The following FIRRM variants were observed in gnomAD, a reference collection of about 807,000 sequenced individuals.
FIRRM encodes the protein FIGNL1-interacting regulator of recombination and mitosis.
At chr1:169,840,482 G>A in the FIRRM span, among the ~76,000 whole-genome samples, 1 of 151,222 alleles carries the variant, frequency 6.6e-6, no homozygotes, top group Non-Finnish European at 1.5e-5. Context: ...TGTATCTACT[G>A]TAAACAGGAT....
chr1:169,825,185 T>A, the FIRRM span, among the ~76,000 whole-genome samples: 1 of 152,328 alleles, frequency 6.6e-6, no homozygotes, highest in African/African-American at 2.4e-5. Flanking sequence ...AAAAACTTTC[T>A]ATCTTTGCCT....
the FIRRM span, among the ~76,000 whole-genome samples, chr1:169,830,956 T>C: frequency 6.6e-6 from 1 of 152,216 alleles, no homozygotes; most frequent in Non-Finnish European, 1.5e-5. Flanking sequence ...TCTCATATTC[T>C]CAGGATTTTA....
chr1:169,784,343 T>C, the FIRRM span, among the ~76,000 whole-genome samples: 2 of 152,148 alleles, frequency 1.3e-5, no homozygotes, highest in East Asian at 3.9e-4. Flanking sequence ...TCTCCCACAG[T>C]CACTTGTTTA....
At chr1:169,842,434 T>G in the FIRRM span, 1 of 1,613,980 alleles carries the variant, frequency 6.2e-7, no homozygotes, top group Non-Finnish European at 8.5e-7. Context: ...TACTGTCTGC[T>G]TTGCTTGCAG....
the FIRRM span, chr1:169,792,584 G>A: frequency 2.0e-6 from 3 of 1,531,322 alleles, no homozygotes; most frequent in Non-Finnish European, 2.6e-6. Context: ...TAATTAACCA[G>A]GAAACTTAAA....
At chr1:169,844,347 G>T in the FIRRM span, among the ~76,000 whole-genome samples, 55 of 152,284 alleles carry the variant, frequency 3.6e-4, no homozygotes, top group Non-Finnish European at 7.5e-4. Flanking sequence ...AAGCCCTTCA[G>T]CTAAACTGAA....
chr1:169,852,500 T>G, the FIRRM span: 1 of 393,092 alleles, frequency 2.5e-6, no homozygotes, highest in Non-Finnish European at 4.5e-6. Flanking sequence ...ATAAGACATG[T>G]AAGCTTGGAC....
chr1:169,831,621 A>T, the FIRRM span, among the ~76,000 whole-genome samples: 14 of 152,330 alleles, frequency 9.2e-5, no homozygotes, highest in African/African-American at 3.4e-4. Flanking sequence ...TCCTTTAAAT[A>T]AAAGCTTTCT....
the FIRRM span, among the ~76,000 whole-genome samples, chr1:169,827,400 G>C: frequency 9.8e-5 from 15 of 152,318 alleles, no homozygotes; most frequent in Admixed American, 8.5e-4. Context: ...CACTTTGGGA[G>C]GCCGAGGTGG....
the FIRRM span, among the ~76,000 whole-genome samples, chr1:169,813,377 A>T: frequency 6.6e-6 from 1 of 152,328 alleles, no homozygotes; most frequent in South Asian, 2.1e-4. Context: ...CCCTCCCTGC[A>T]TATTATTGGC....
chr1:169,830,609 C>T, the FIRRM span: 1 of 1,286,242 alleles, frequency 7.8e-7, no homozygotes, highest in African/African-American at 1.5e-5. Flanking sequence ...ATGTCCTCAT[C>T]AGAATATTTA....
chr1:169,790,240 C>A, the FIRRM span, among the ~76,000 whole-genome samples: 1 of 151,974 alleles, frequency 6.6e-6, no homozygotes, highest in Non-Finnish European at 1.5e-5. Flanking sequence ...GGCAATGGCG[C>A]GATCTCGGCT....
the FIRRM span, among the ~76,000 whole-genome samples, chr1:169,796,414 T>C: frequency 6.6e-6 from 1 of 152,264 alleles, no homozygotes; most frequent in Non-Finnish European, 1.5e-5. Context: ...GCTTTGCACT[T>C]CAAACGACAT....
chr1:169,791,670 CAT>C, the FIRRM span, among the ~76,000 whole-genome samples: 96 of 152,292 alleles, frequency 6.3e-4, no homozygotes, highest in Non-Finnish European at 1.2e-3. Context: ...ATGGGGATGA[CAT>C]AAACCTCATA....
the FIRRM span, among the ~76,000 whole-genome samples, chr1:169,811,953 A>G: frequency 6.6e-6 from 1 of 151,914 alleles, no homozygotes; most frequent in Non-Finnish European, 1.5e-5. Context: ...GAAAGAAAGA[A>G]TGGTGCTCAT....
the FIRRM span, among the ~76,000 whole-genome samples, chr1:169,810,510 C>T: frequency 4.0e-5 from 6 of 151,822 alleles, no homozygotes; most frequent in African/African-American, 1.5e-4. Flanking sequence ...GTGTCACTGG[C>T]AATCCTTAGC....
the FIRRM span, among the ~76,000 whole-genome samples, chr1:169,826,477 C>T: frequency 6.6e-6 from 1 of 151,964 alleles, no homozygotes. Flanking sequence ...ATTCTCCTGC[C>T]TCAGCCTCCC....
the FIRRM span, chr1:169,793,377 T>C: frequency 1.2e-6 from 2 of 1,614,238 alleles, no homozygotes; most frequent in East Asian, 2.2e-5. Context: ...TTTAAATCTT[T>C]AGGCATAGCA....
At chr1:169,793,222 A>T in the FIRRM span, 32 of 1,614,074 alleles carry the variant, frequency 2.0e-5, no homozygotes, top group Non-Finnish European at 2.6e-5. Flanking sequence ...AAACACCTGT[A>T]ATCAGATCAG....
Sources: allele counts gnomAD v4.1 joint callset (sites outside exome capture counted in the v4.1 genomes callset), GRCh38; gene constraint gnomAD v4.1.1; transcripts MANE v1.5; gene names NCBI Gene and HGNC (gene_info 2026-07-23, HGNC 2026-07-21).